PCDHA1: variants seen among roughly 807,000 people sequenced by gnomAD.
PCDHA1 encodes protocadherin alpha 1, also known as protocadherin alpha-1.
Under a neutral mutation model 61.3 loss-of-function variants are expected in PCDHA1, and 42 were observed. That is an observed-to-expected ratio of 0.69 (90% CI 0.54 to 0.89). The LOEUF is 0.89. PCDHA1 is among the 40% of genes least tolerant of loss of function. The pLI, the probability that PCDHA1 is intolerant of heterozygous loss-of-function variation, is 0.00. For synonymous variants in PCDHA1, 610 were observed against 553.8 expected, an observed-to-expected ratio of 1.10 and a Z score of -1.43; for missense variants, 1,256 against 1,235.3, an observed-to-expected ratio of 1.02 and a Z score of -0.25.
At chr5:140,878,545 A>G (rs1554170455) in intron 1 of PCDHA1, among the ~76,000 whole-genome samples, 1 of 152,228 alleles carries the variant, frequency 6.6e-6, no homozygotes, top group African/African-American at 2.4e-5. Context: ...AACCAGTTTC[A>G]GATGATCCCA....
At position 140,935,795 on chromosome 5, in the gene PCDHA1, C is replaced by CTT. The variant is rs555560136; in HGVS notation, c.2395-43154_2395-43153insTT. ...GAGTTTTTTCACTTAAAAATATAAA[C>CTT]GAGATTATTTCATAGTAGTATAGTA... On this transcript the variant is annotated intron_variant, in intron 1 of 3. Coordinates refer to ENST00000504120, the MANE Select transcript of PCDHA1 (RefSeq NM_018900.4). 5.4e-3 allele frequency among the ~76,000 whole-genome samples: 824 copies of CTT among 151,876 alleles called. 3 individuals are homozygous for CTT. Among genetic ancestry groups the CTT allele is most frequent in the African/African-American group, 0.019 (793 of 41,436 alleles).
intron 1 of PCDHA1, chr5:140,876,854 C>CA (rs1554169042): frequency 6.2e-7 from 1 of 1,613,994 alleles, no homozygotes; most frequent in Non-Finnish European, 8.5e-7. Context: ...CCCGAGTACA[C>CA]AGTGTTCGTG....
Position 140,856,070 on chromosome 5 carries a change from C to T in PCDHA1, c.2394+67386C>T. 3.1e-6 allele frequency: 5 copies of T among 1,591,758 alleles called. 1 individual carries two copies. Among genetic ancestry groups the T allele is most frequent in the Non-Finnish European group, 4.3e-6 (5 of 1,163,604 alleles). On this transcript the variant is annotated intron_variant, in intron 1 of 3. Coordinates refer to ENST00000504120, the MANE Select transcript of PCDHA1 (RefSeq NM_018900.4). ...TAAGATGGTTTCCAGATGTAGCTGC[C>T]TGGGGGTCCAGTGTCTGCTGCTCTC...
chr5:140,857,133 C>T, intron 1 of PCDHA1: 3 of 1,598,212 alleles, frequency 1.9e-6, no homozygotes, highest in South Asian at 1.1e-5. Flanking sequence ...AAAGAAGATG[C>T]TCAAGTGGGC....
chr5:141,006,429 G>C (rs541690957), intron 3 of PCDHA1, among the ~76,000 whole-genome samples: 7 of 152,004 alleles, frequency 4.6e-5, no homozygotes, highest in Non-Finnish European at 1.0e-4. Flanking sequence ...TAGCCAGGAT[G>C]GTCTCAATCT....
At position 140,875,871 on chromosome 5, in the gene PCDHA1, C is replaced by G. The variant is rs2055892299; in HGVS notation, c.2394+87187C>G. On this transcript the variant is annotated intron_variant, in intron 1 of 3. Transcript: ENST00000504120. ...ACATTAACGACAACCCGCCGGTGTT[C>G]AGAGAAAGGGAACAAAAGGTACCTG... 3 of 1,614,188 alleles carry G rather than the reference C, an allele frequency of 1.9e-6. No individual in the cohort carries two copies. The highest frequency in any genetic ancestry group is 2.5e-6 in the Non-Finnish European group (3 of 1,180,036).
chr5:140,829,545 A>G (rs1286115535), intron 1 of PCDHA1: 6 of 1,612,828 alleles, frequency 3.7e-6, no homozygotes, highest in Non-Finnish European at 5.1e-6. Flanking sequence ...GCGGACGCGC[A>G]GGAGAACGCG....
chr5:140,876,967 G>T lies in PCDHA1; in HGVS notation c.2394+88283G>T, dbSNP rs200960356. On this transcript the variant is annotated intron_variant, in intron 1 of 3. Coordinates refer to ENST00000504120, the MANE Select transcript of PCDHA1 (RefSeq NM_018900.4). ...GTCCTACTCGCTGGTGGAGCGGCGG[G>T]TGGGCGAGCACGCACTGTCGAGCTA... The T allele has an allele frequency of 3.1e-6, 5 of 1,613,050 alleles. No homozygotes were observed. The South Asian group carries it at 3.3e-5, about 11-fold the overall frequency.
chr5:140,823,657 G>C, intron 1 of PCDHA1: 1 of 1,613,998 alleles, frequency 6.2e-7, no homozygotes, highest in Non-Finnish European at 8.5e-7. Context: ...GCTGTACACA[G>C]GCGAGATCAG....
intron 1 of PCDHA1, among the ~76,000 whole-genome samples, chr5:140,956,692 C>T (rs246012): frequency 0.56 from 85,656 of 151,960 alleles, 24,760 homozygotes; most frequent in African/African-American, 0.69. Context: ...CCTCCTTTTC[C>T]ATTGTTTGGA....
intron 1 of PCDHA1, chr5:140,930,058 C>T (rs1186770970): frequency 6.6e-6 from 1 of 152,172 alleles, no homozygotes; most frequent in Non-Finnish European, 1.5e-5. Context: ...TTTGCTTACA[C>T]AAAAACTGTA....
chr5:140,811,802 T>C (rs2126631917), intron 1 of PCDHA1: 1 of 152,354 alleles, frequency 6.6e-6, no homozygotes, highest in South Asian at 2.1e-4. Context: ...TGTCTTCTTT[T>C]GAGAAGTGTC....
At chr5:140,946,210 G>C (rs140796631) in intron 1 of PCDHA1, among the ~76,000 whole-genome samples, 1 of 152,052 alleles carries the variant, frequency 6.6e-6, no homozygotes, top group African/African-American at 2.4e-5. Flanking sequence ...GCACACAAAT[G>C]ACCAACAGGT....
At chr5:140,884,120 G>A in intron 1 of PCDHA1, 1 of 1,613,322 alleles carries the variant, frequency 6.2e-7, no homozygotes, top group Non-Finnish European at 8.5e-7. Flanking sequence ...GGCGGTCGGC[G>A]CGCGCATCCC....
intron 1 of PCDHA1, chr5:140,797,435 C>G (rs1356264608): frequency 2.2e-6 from 3 of 1,378,568 alleles, no homozygotes; most frequent in Admixed American, 4.1e-5. Context: ...TATTTAGATT[C>G]ATAGTTCTTC....
At chr5:140,845,150 G>A (rs1193499376) in intron 1 of PCDHA1, among the ~76,000 whole-genome samples, 2 of 149,470 alleles carry the variant, frequency 1.3e-5, no homozygotes, top group African/African-American at 4.9e-5. Context: ...AACACATTGT[G>A]TAAAAGCGAA....
Position 140,786,630 on chromosome 5 carries a change from C to A in PCDHA1, c.340C>A (p.Leu114Met). 1 of 1,614,262 alleles carries A rather than the reference C, an allele frequency of 6.2e-7. No individual in the cohort carries two copies. The highest frequency in any genetic ancestry group is 8.5e-7 in the Non-Finnish European group (1 of 1,180,052). ...IHLELIADRP[L>M]QVFHVEVKVK... ...CCTGGAGTTGATCGCCGACAGGCCG[C>A]TGCAGGTTTTCCATGTGGAGGTGAA... is the stretch of plus-strand genomic sequence containing the variant. The change falls in exon 1 of 4, where the codon CTG becomes ATG. Residue 114 changes from leucine to methionine, a missense_variant. Coordinates refer to ENST00000504120, the MANE Select transcript of PCDHA1 (RefSeq NM_018900.4).
At position 140,823,172 on chromosome 5, in the gene PCDHA1, A is replaced by G. The variant is rs1554129177; in HGVS notation, c.2394+34488A>G. On this transcript the variant is annotated intron_variant, in intron 1 of 3. Coordinates refer to ENST00000504120, the MANE Select transcript of PCDHA1 (RefSeq NM_018900.4). ...CAGTATACCGTGTTCGTGAAGGAGAACAACCCGCCAGGCTGCCACATCTTC... is the reference window on the plus strand; with the variant it reads ...CAGTATACCGTGTTCGTGAAGGAGAGCAACCCGCCAGGCTGCCACATCTTC... The G allele has an allele frequency of 1.2e-5, 20 of 1,613,858 alleles. No individual in the cohort carries two copies. Among genetic ancestry groups the G allele is most frequent in the Middle Eastern group, 1.7e-4 (1 of 6,032 alleles).
intron 1 of PCDHA1, chr5:140,821,624 A>C: frequency 1.1e-6 from 1 of 893,550 alleles, no homozygotes; most frequent in Non-Finnish European, 1.7e-6. Context: ...GATTTTCCTT[A>C]GACAGAAAGG....
Sources: allele counts gnomAD v4.1 joint callset (sites outside exome capture counted in the v4.1 genomes callset), GRCh38; gene constraint gnomAD v4.1.1; transcripts MANE v1.5; gene names NCBI Gene and HGNC (gene_info 2026-07-23, HGNC 2026-07-21).